TTC28: variants seen among roughly 807,000 people sequenced by gnomAD.
The protein encoded by TTC28 is tetratricopeptide repeat protein 28.
TTC28 carries 61 observed loss-of-function variants against 198.0 expected under a neutral mutation model. The ratio of observed to expected loss-of-function variants is 0.31; its 90% CI spans 0.25 to 0.38. TTC28 has a LOEUF of 0.38. Ranked by LOEUF, TTC28 falls within the 10% of genes least tolerant of loss-of-function variation. The pLI is 1.00. For missense variants in TTC28, 2,678 were observed against 3,164.0 expected, an observed-to-expected ratio of 0.85 and a Z score of 3.69; for synonymous variants, 1,171 against 1,297.8, an observed-to-expected ratio of 0.90 and a Z score of 2.10.
chr22:28,610,864 A>C (rs1419533774), intron 2 of TTC28, among the ~76,000 whole-genome samples: 1 of 152,192 alleles, frequency 6.6e-6, no homozygotes, highest in Non-Finnish European at 1.5e-5. Flanking sequence ...TAACCAGCTT[A>C]GAGAAGAACA....
At chr22:28,095,301 G>A (rs1941939164) in intron 11 of TTC28, among the ~76,000 whole-genome samples, 9 of 151,624 alleles carry the variant, frequency 5.9e-5, no homozygotes, top group Non-Finnish European at 1.5e-5. Context: ...AAACAATGCC[G>A]AGGCATAGAA....
rs367936112 is a variant in TTC28 at position 28,234,562 on chromosome 22, A to G, written c.933+61636T>C. Among the ~76,000 whole-genome samples the G allele has an allele frequency of 9.5e-5, 14 of 146,642 alleles. No homozygotes were observed. The South Asian group carries it at 3.1e-3, about 32-fold the overall frequency. On this transcript the variant is annotated intron_variant, in intron 5 of 22. Coordinates refer to ENST00000397906, the MANE Select transcript of TTC28 (RefSeq NM_001145418.2). ...TAATTTATGTATTTTTAGTAGAGATAGGGTTTCACCATGTTAGCCAGGCTG... is the reference window on the plus strand; with the variant it reads ...TAATTTATGTATTTTTAGTAGAGATGGGGTTTCACCATGTTAGCCAGGCTG...
intron 2 of TTC28, among the ~76,000 whole-genome samples, chr22:28,574,086 T>C (rs898568364): frequency 2.6e-5 from 4 of 152,096 alleles, no homozygotes; most frequent in African/African-American, 4.8e-5. Flanking sequence ...AATCATAGCT[T>C]ACTGCAGCCT....
chr22:28,393,264 G>A (rs1210175122), intron 2 of TTC28, among the ~76,000 whole-genome samples: 2 of 152,014 alleles, frequency 1.3e-5, no homozygotes, highest in East Asian at 3.9e-4. Context: ...TTTTACAGTC[G>A]ATTCTTTTAC....
intron 12 of TTC28, 151 bp downstream of exon 12, chr22:28,093,929 A>G (rs1941892931): frequency 2.6e-6 from 2 of 778,596 alleles, no homozygotes; most frequent in South Asian, 2.1e-5. Context: ...CCAGAGACAC[A>G]TATTTGTTTC....
At chr22:28,326,340 A>G (rs1344513149) in intron 2 of TTC28, among the ~76,000 whole-genome samples, 3 of 152,136 alleles carry the variant, frequency 2.0e-5, no homozygotes, top group South Asian at 4.1e-4. Flanking sequence ...ACTGTTCTGT[A>G]TCTTAAGTCT....
chr22:28,453,116 G>A (rs1453917303), intron 2 of TTC28, among the ~76,000 whole-genome samples: 1 of 152,134 alleles, frequency 6.6e-6, no homozygotes, highest in Non-Finnish European at 1.5e-5. Context: ...CTTGGATTCT[G>A]CCCATTATCT....
chr22:28,160,949 T>C (rs1921102101), intron 6 of TTC28, among the ~76,000 whole-genome samples: 1 of 152,038 alleles, frequency 6.6e-6, no homozygotes, highest in Non-Finnish European at 1.5e-5. Context: ...GAGAAGAGAA[T>C]TTCACAGAAA....
intron 12 of TTC28, among the ~76,000 whole-genome samples, chr22:28,037,576 A>C (rs1369565651): frequency 6.6e-6 from 1 of 152,204 alleles, no homozygotes; most frequent in Non-Finnish European, 1.5e-5. Flanking sequence ...GAATGGCCAA[A>C]AACTGGAAGC....
intron 5 of TTC28, among the ~76,000 whole-genome samples, chr22:28,263,610 T>C (rs1931476918): frequency 6.6e-6 from 1 of 152,178 alleles, no homozygotes; most frequent in Admixed American, 6.5e-5. Context: ...AGTTAATTCT[T>C]ACATATGTGT....
intron 5 of TTC28, among the ~76,000 whole-genome samples, chr22:28,188,966 T>C (rs145034318): frequency 1.3e-5 from 2 of 152,094 alleles, no homozygotes; most frequent in African/African-American, 2.4e-5. Flanking sequence ...AAACTCTAAT[T>C]TGAAAGACAG....
At chr22:28,569,151 C>CAAAT (rs33998799) in intron 2 of TTC28, among the ~76,000 whole-genome samples, 45,171 of 135,710 alleles carry the variant, frequency 0.33, 8,115 homozygotes, top group Middle Eastern at 0.46. Context: ...TGTTCTGTCT[C>CAAAT]AAATAAATAA....
At chr22:28,027,804 G>T (rs1045427017) in intron 13 of TTC28, among the ~76,000 whole-genome samples, 1 of 152,268 alleles carries the variant, frequency 6.6e-6, no homozygotes, top group East Asian at 1.9e-4. Flanking sequence ...CCACAGCAGG[G>T]CAGGGACAGG....
At chr22:28,647,892 C>T (rs1176086918) in intron 1 of TTC28, among the ~76,000 whole-genome samples, 3 of 151,178 alleles carry the variant, frequency 2.0e-5, no homozygotes, top group African/African-American at 7.3e-5. Context: ...AGACATTTCT[C>T]AAAAGAAGAT....
At chr22:28,563,911 G>C (rs879291932) in intron 2 of TTC28, among the ~76,000 whole-genome samples, 1 of 152,126 alleles carries the variant, frequency 6.6e-6, no homozygotes, top group Non-Finnish European at 1.5e-5. Context: ...ATTAACGAAT[G>C]AATGGATAAA....
At chr22:28,131,395 T>A (rs1330657342) in intron 6 of TTC28, among the ~76,000 whole-genome samples, 1 of 152,216 alleles carries the variant, frequency 6.6e-6, no homozygotes, top group African/African-American at 2.4e-5. Flanking sequence ...AATGATGGGC[T>A]ATGAAAAACA....
chr22:28,255,318 C>T (rs1396932557), intron 5 of TTC28, among the ~76,000 whole-genome samples: 2 of 152,122 alleles, frequency 1.3e-5, no homozygotes, highest in Non-Finnish European at 2.9e-5. Context: ...GCCTTCTGGG[C>T]ACCTAAGATT....
At chr22:28,006,445 C>A (rs1464620367) in intron 14 of TTC28, 1 of 152,206 alleles carries the variant, frequency 6.6e-6, no homozygotes, top group Non-Finnish European at 1.5e-5. Context: ...TTATACTATT[C>A]TTTTCTCCTG....
rs1942341982 is a variant in TTC28, at chr22:28,107,450, G to A, written c.2395C>T (p.His799Tyr). 1 of 1,551,582 alleles carries A rather than the reference G, an allele frequency of 6.4e-7. No individual in the cohort carries two copies. The change falls in exon 7 of 23, where the codon CAC (histidine) becomes TAC (tyrosine). Residue 799 changes from histidine (H) to tyrosine (Y), a missense_variant. His to Tyr is a moderately conservative substitution (Grantham distance 83). Around this residue, in one of 8 missense-constraint regions of TTC28, gnomAD observed 775 missense variants for 845.9 expected, o/e 0.92. Transcript: ENST00000397906. ...DLPGECRAHG[H>Y]LAAVYMALGK... is the part of the protein sequence containing the mutation. The stretch of plus-strand genomic sequence containing the variant: ...AGGGCCATGTAGACAGCAGCCAGGT[G>A]CCCATGAGCTCTGCACTCCCCTGGC...
Sources: allele counts gnomAD v4.1 joint callset (sites outside exome capture counted in the v4.1 genomes callset), GRCh38; gene constraint gnomAD v4.1.1; regional missense constraint gnomAD v4.1.1; transcripts MANE v1.5; gene names NCBI Gene and HGNC (gene_info 2026-07-23, HGNC 2026-07-21).